The following TGFBR3L variants were observed in gnomAD, a reference collection of about 807,000 sequenced individuals.
TGFBR3L encodes transforming growth factor-beta receptor type 3-like protein.
Under a neutral mutation model 20.4 loss-of-function variants are expected in TGFBR3L, and 21 were observed. The ratio of observed to expected loss-of-function variants is 1.03; its 90% CI spans 0.73 to 1.48. The LOEUF (loss-of-function observed/expected upper bound fraction) is 1.48, where lower values mean the gene tolerates loss of function less well. Among genes scored for constraint, TGFBR3L ranks in the 40% most tolerant of loss-of-function variants. TGFBR3L has a pLI of 0.00. For missense variants in TGFBR3L, 479 were observed against 498.0 expected (o/e 0.96, Z 0.36); for synonymous variants, 245 against 244.2 (o/e 1.00, Z -0.03).
In TGFBR3L at chr19:7,915,059, C is replaced by T. The variant is rs994891032; in HGVS notation, c.-1209C>T. Among the ~76,000 whole-genome samples the T allele has an allele frequency of 1.3e-5, 2 of 152,300 alleles. No homozygotes were observed. Among genetic ancestry groups the T allele is most frequent in the African/African-American group, 2.4e-5 (1 of 41,554 alleles). On this transcript the variant is annotated 5_prime_UTR_variant, in exon 1 of 6. Coordinates refer to ENST00000565886, the MANE Select transcript of TGFBR3L (RefSeq NM_001195259.2). ...GCGCAATCTCCACTCACCGCAACCT[C>T]CGCCTCCCCGGTTCAAGTGATTCTC...
Position 7,917,638 on chromosome 19 carries a change from G to A in TGFBR3L, c.724+39G>A, listed in dbSNP as rs1229889258. On this transcript the variant is annotated intron_variant, in intron 3 of 5. Transcript: ENST00000565886. The stretch of plus-strand genomic sequence containing the variant: ...CCTCCTCCGCATGGGGCCGTGGGGC[G>A]GCAGAGCGGGTGGGAAGGACGCCTG... The A allele has an allele frequency of 3.2e-5, 46 of 1,429,398 alleles. No individual in the cohort carries two copies. In the Admixed American group the frequency reaches 9.5e-4, roughly 29 times the overall value. 88.5% of individuals were successfully genotyped at this position (1,429,398 alleles called of 1,614,324 possible). A position where few individuals can be genotyped will look rare whatever the true frequency, so the allele number is the denominator to read the frequency against.
Position 7,916,913 on chromosome 19 carries a change from A to ACGCCGCCGC in TGFBR3L, c.582_590dup (p.Pro195_Pro197dup), listed in dbSNP as rs532844274. 16 of 1,306,062 alleles carry ACGCCGCCGC rather than the reference A, an allele frequency of 1.2e-5. No individual in the cohort carries two copies. The highest frequency in any genetic ancestry group is 9.5e-5 in the East Asian group (3 of 31,504). The allele number at this position is 1,306,062 out of a possible 1,614,324, so 80.9% of individuals were successfully genotyped here. Reference sequence around the variant, plus strand: ...AGTCCGCCGGGCGCCTGCGCCTCTGACGCCGCCGCCGCCGCCGCCGCCATC... The same window carrying ACGCCGCCGC: ...AGTCCGCCGGGCGCCTGCGCCTCTGACGCCGCCGCCGCCGCCGCCGCCGCCGCCGCCATC... On this transcript the variant is annotated inframe_insertion, in exon 2 of 6. Transcript: ENST00000565886.
rs1301499399 is a variant in TGFBR3L at position 7,919,026 on chromosome 19, A to ACCCCTGCGCTTCTCTCCTC, written c.*122_*140dup. 3 of 398,630 alleles carry ACCCCTGCGCTTCTCTCCTC rather than the reference A, an allele frequency of 7.5e-6. No individual in the cohort carries two copies. Among genetic ancestry groups the ACCCCTGCGCTTCTCTCCTC allele is most frequent in the Non-Finnish European group, 4.4e-6 (1 of 226,172 alleles). The allele number at this position is 398,630 out of a possible 1,614,324, so 24.7% of individuals were successfully genotyped here. On this transcript the variant is annotated 3_prime_UTR_variant, in exon 6 of 6. Transcript: ENST00000565886. ...GGACCTCGGACCTGATGAGGCCACG[A>ACCCCTGCGCTTCTCTCCTC]CCCCTGCGCTTCTCTCCTCCCCCTG... is the stretch of plus-strand genomic sequence containing the variant.
rs1301565070 is a variant in TGFBR3L at position 7,915,797 on chromosome 19, C to T, written c.-471C>T. ...TCGTATTTGGAGATTAGCCGTTTTA[C>T]CAGGACCCCGCTCAGCACCTGAAGG... On this transcript the variant is annotated 5_prime_UTR_variant, in exon 1 of 6. Transcript: ENST00000565886. 1.3e-5 allele frequency among the ~76,000 whole-genome samples: 2 copies of T among 152,198 alleles called. No individual in the cohort carries two copies. Among genetic ancestry groups the T allele is most frequent in the African/African-American group, 2.4e-5 (1 of 41,446 alleles).
chr19:7,916,561 A>G lies in TGFBR3L; in HGVS notation c.276+18A>G, dbSNP rs1474673937. 3 of 1,455,990 alleles carry G rather than the reference A, an allele frequency of 2.1e-6. No individual in the cohort carries two copies. The highest frequency in any genetic ancestry group is 5.0e-5 in the Admixed American group (2 of 39,958). 90.2% of individuals were successfully genotyped at this position (1,455,990 alleles called of 1,614,324 possible). On this transcript the variant is annotated intron_variant, in intron 1 of 5. Coordinates refer to ENST00000565886, the MANE Select transcript of TGFBR3L (RefSeq NM_001195259.2). The stretch of plus-strand genomic sequence containing the variant: ...TCGTGCAGGTGGGGACCCCGGGGAC[A>G]CCAGGGGCGGATGGGGGCCGGTGGG...
chr19:7,916,840 G>A lies in TGFBR3L; in HGVS notation c.495G>A (p.Ser165=). Residue 165 remains serine (S), a synonymous_variant, in exon 2 of 6, where the codon TCG becomes TCA. Transcript: ENST00000565886. ...GCCTGCGCCCGGTCTTCAACGCCTC[G>A]GTGCAGTTCCTGCACTGCCAGCTGA... is the stretch of plus-strand genomic sequence containing the variant. The A allele has an allele frequency of 6.8e-7, 1 of 1,466,308 alleles. No individual in the cohort carries two copies. The highest frequency in any genetic ancestry group is 1.3e-5 in the South Asian group (1 of 77,180). The allele number at this position is 1,466,308 out of a possible 1,614,324, so 90.8% of individuals were successfully genotyped here.
intron 5 of TGFBR3L, 93 bp downstream of exon 6, chr19:7,918,222 T>A: frequency 1.3e-6 from 1 of 752,462 alleles, no homozygotes; most frequent in Non-Finnish European, 1.9e-6. Flanking sequence ...GTGGTTTTTT[T>A]GTTTGTTTGT....
intron 2 of TGFBR3L, 169 bp downstream of exon 3, chr19:7,917,111 T>A: frequency 1.9e-6 from 2 of 1,079,558 alleles, no homozygotes; most frequent in Non-Finnish European, 2.4e-6. Flanking sequence ...GGGGACAGTG[T>A]GGACACTGGG....
chr19:7,916,222 C>T lies in TGFBR3L; in HGVS notation c.-46C>T, dbSNP rs1417159672. On this transcript the variant is annotated 5_prime_UTR_variant, in exon 1 of 6. Transcript: ENST00000565886. ...GGGCTGTGCGAGTCCCAGGGGTCGC[C>T]AGGGGGCACATCACCGTCAGGGGGG... 2.6e-6 allele frequency: 4 copies of T among 1,514,944 alleles called. No individual in the cohort carries two copies. Among genetic ancestry groups the T allele is most frequent in the Admixed American group, 4.0e-5 (2 of 49,968 alleles). 93.8% of individuals were successfully genotyped at this position (1,514,944 alleles called of 1,614,324 possible). A position where few individuals can be genotyped will look rare whatever the true frequency, so the allele number is the denominator to read the frequency against.
In TGFBR3L at chr19:7,918,053, C is replaced by A. The variant is rs1983396846; in HGVS notation, c.884-4C>A. The A allele has an allele frequency of 7.2e-6, 11 of 1,533,934 alleles. No homozygotes were observed. Among genetic ancestry groups the A allele is most frequent in the Non-Finnish European group, 9.6e-6 (11 of 1,145,558 alleles). ...CCCTTCTGCAGCTCGCCTCTCCCTT[C>A]CAGCGCCCCACGCCCCTGGCCCGCC... On this transcript the variant is annotated splice_region_variant and splice_polypyrimidine_tract_variant and intron_variant, in intron 4 of 5. Transcript: ENST00000565886.
rs1240081242 is a variant in TGFBR3L at position 7,916,299 on chromosome 19, T to C, written c.32T>C (p.Leu11Pro). Residue 11 changes from leucine to proline, a missense_variant, in exon 1 of 6, where the codon CTT (leucine) becomes CCT (proline). By Grantham distance (98) the Leu-to-Pro change is moderately conservative. Transcript: ENST00000565886. ...GAATCGGCCGCCGCAACCGCATCCC[T>C]TTTCCAAAGGCGGCGGCGGGGGCGA... 9.8e-6 allele frequency: 15 copies of C among 1,535,332 alleles called. No individual in the cohort carries two copies. The South Asian group carries it at 1.8e-4, about 18-fold the overall frequency.
At position 7,917,061 on chromosome 19, in the gene TGFBR3L, G is replaced by A. The variant is rs903497638; in HGVS notation, c.597+119G>A. On this transcript the variant is annotated intron_variant, in intron 2 of 5. Coordinates refer to ENST00000565886, the MANE Select transcript of TGFBR3L (RefSeq NM_001195259.2). ...TCTGAGGATCTGGGGGTTGGGGGAG[G>A]TGGGGCGCAAGGGTCCATCTCTGCC... The A allele has an allele frequency of 7.4e-6, 9 of 1,210,542 alleles. No homozygotes were observed. In the South Asian group the frequency reaches 2.0e-4, roughly 27 times the overall value. 75.0% of individuals were successfully genotyped at this position (1,210,542 alleles called of 1,614,324 possible). A position where few individuals can be genotyped will look rare whatever the true frequency, so the allele number is the denominator to read the frequency against.
chr19:7,918,872 C>T (rs1568287221), intron 5 of TGFBR3L, 45 bp from the exon 7 acceptor site: 1 of 398,524 alleles, frequency 2.5e-6, no homozygotes, highest in South Asian at 1.3e-4. Flanking sequence ...GGAGGTGGCC[C>T]GCGTAGCGTC....
chr19:7,917,624 T>C (rs1407400500), intron 3 of TGFBR3L, 25 bp downstream of exon 4: 2 of 1,434,868 alleles, frequency 1.4e-6, no homozygotes, highest in African/African-American at 1.5e-5. Context: ...CTCCTCCGCA[T>C]GGGGCCGTGG....
chr19:7,918,144 G>A lies in TGFBR3L; in HGVS notation c.*5+15G>A. On this transcript the variant is annotated intron_variant, in intron 5 of 5. Coordinates refer to ENST00000565886, the MANE Select transcript of TGFBR3L (RefSeq NM_001195259.2). ...CAGTGAGGAAGGTAGGTATGGAGGTGGAGGGAGCTGGGTGAGGTAGGAGAT... is the reference window on the plus strand; with the variant it reads ...CAGTGAGGAAGGTAGGTATGGAGGTAGAGGGAGCTGGGTGAGGTAGGAGAT... 6.5e-7 allele frequency: 1 copy of A among 1,534,924 alleles called. No individual in the cohort carries two copies. Among genetic ancestry groups the A allele is most frequent in the African/African-American group, 1.4e-5 (1 of 73,164 alleles).
rs1464317031 is a variant in TGFBR3L, at chr19:7,916,310, C to G, written c.43C>G (p.Arg15Gly). Reference sequence around the variant, plus strand: ...CGCAACCGCATCCCTTTTCCAAAGGCGGCGGCGGGGGCGAGGTGGTCGGGT... The same window carrying G: ...CGCAACCGCATCCCTTTTCCAAAGGGGGCGGCGGGGGCGAGGTGGTCGGGT... The change falls in exon 1 of 6, where the codon CGG (arginine) becomes GGG (glycine). Residue 15 changes from arginine (R) to glycine (G), a missense_variant. Transcript: ENST00000565886. The G allele has an allele frequency of 2.0e-6, 3 of 1,535,332 alleles. No individual in the cohort carries two copies. The highest frequency in any genetic ancestry group is 2.0e-5 in the Admixed American group (1 of 50,952).
Position 7,916,399 on chromosome 19 carries a change from C to G in TGFBR3L, c.132C>G (p.Ala44=), listed in dbSNP as rs1459893023. 8 of 1,535,102 alleles carry G rather than the reference C, an allele frequency of 5.2e-6. No homozygotes were observed. Among genetic ancestry groups the G allele is most frequent in the Non-Finnish European group, 6.1e-6 (7 of 1,146,566 alleles). The stretch of plus-strand genomic sequence containing the variant: ...TCTCCTTTGGGCCGCCCTTCCCCGC[C>G]CCGCCAGCTCCCCCGTTCCCCGCGG... Residue 44 remains alanine (A), a synonymous_variant, in exon 1 of 6, where the codon GCC becomes GCG. Transcript: ENST00000565886.
chr19:7,916,680 C>T lies in TGFBR3L; in HGVS notation c.335C>T (p.Thr112Met), dbSNP rs1983316835. 5 of 1,428,080 alleles carry T rather than the reference C, an allele frequency of 3.5e-6. No homozygotes were observed. The highest frequency in any genetic ancestry group is 3.0e-5 in the African/African-American group (2 of 66,450). The allele number at this position is 1,428,080 out of a possible 1,614,324, so 88.5% of individuals were successfully genotyped here. ...CTGGCCCTGCACCGCTGCTCAGTGA[C>T]GCCGTCCTCACGCCCGGCCCCGGGG... The change falls in exon 2 of 6, where the codon ACG (threonine) becomes ATG (methionine). Residue 112 changes from threonine (T) to methionine (M), a missense_variant. Physicochemically the swap from Thr to Met is moderately conservative, Grantham distance 81. Coordinates refer to ENST00000565886, the MANE Select transcript of TGFBR3L (RefSeq NM_001195259.2).
rs1983278539 is a variant in TGFBR3L at position 7,916,213 on chromosome 19, A to T, written c.-55A>T. 10 of 1,506,524 alleles carry T rather than the reference A, an allele frequency of 6.6e-6. No individual in the cohort carries two copies. In the East Asian group the frequency reaches 2.5e-4, roughly 37 times the overall value. 93.3% of individuals were successfully genotyped at this position (1,506,524 alleles called of 1,614,324 possible). On this transcript the variant is annotated 5_prime_UTR_variant, in exon 1 of 6. Transcript: ENST00000565886. ...TCAGTTGCTGGGCTGTGCGAGTCCC[A>T]GGGGTCGCCAGGGGGCACATCACCG...
Sources: gnomAD v4.1 joint callset for allele counts (sites outside exome capture counted in the v4.1 genomes callset) on GRCh38, gnomAD v4.1.1 for gene constraint, MANE v1.5 for transcripts, NCBI Gene and HGNC (gene_info 2026-07-23, HGNC 2026-07-21) for gene names.